P4HA3: variants seen among roughly 807,000 people sequenced by gnomAD.
P4HA3 encodes prolyl 4-hydroxylase subunit alpha 3.
A neutral mutation model predicts 66.7 loss-of-function variants in P4HA3; 60 were observed. The ratio of observed to expected loss-of-function variants is 0.90; its 90% CI spans 0.73 to 1.12. P4HA3 has a LOEUF of 1.12. P4HA3 is among the 50% of genes most tolerant of loss of function. The probability of loss-of-function intolerance (pLI) is 0.00; values close to 1 mark genes in which losing one functional copy is unlikely to be tolerated. For missense variants in P4HA3, 683 were observed against 685.8 expected (o/e 1.00, Z 0.05); for synonymous variants, 263 against 274.6 (o/e 0.96, Z 0.42).
At chr11:74,271,986 A>G (rs976204908) in intron 10 of P4HA3, among the ~76,000 whole-genome samples, 1 of 152,098 alleles carries the variant, frequency 6.6e-6, no homozygotes, top group Non-Finnish European at 1.5e-5. Context: ...CCCTCCTTAC[A>G]TTATCTCATC....
intron 5 of P4HA3, chr11:74,287,038 T>A: frequency 9.3e-7 from 1 of 1,077,928 alleles, no homozygotes; most frequent in South Asian, 2.2e-5. Flanking sequence ...GCAGAGGGAC[T>A]CTAGACTTTG....
Position 74,253,695 on chromosome 11 carries a change from C to T in P4HA3, c.*1319-5694G>A. 4 of 677,884 alleles carry T rather than the reference C, an allele frequency of 5.9e-6. No homozygotes were observed. In the South Asian group the frequency reaches 7.2e-5, roughly 12 times the overall value. 42.0% of individuals were successfully genotyped at this position (677,884 alleles called of 1,614,324 possible). On this transcript the variant is annotated intron_variant and NMD_transcript_variant, in intron 15 of 15. Coordinates refer to the P4HA3 transcript ENST00000524388. ...CTGCCAAAAGCATTGTTTTCCAGGG[C>T]CCTTGACCAACATCGGCTTCCCCAG...
At chr11:74,250,948 C>T in intron 15 of P4HA3, 1 of 1,595,004 alleles carries the variant, frequency 6.3e-7, no homozygotes, top group South Asian at 1.1e-5. Flanking sequence ...TTTGATTCCT[C>T]TCCAGGGAAG....
At chr11:74,260,607 C>T (rs1859892406) in intron 14 of P4HA3, among the ~76,000 whole-genome samples, 1 of 152,066 alleles carries the variant, frequency 6.6e-6, no homozygotes, top group African/African-American at 2.4e-5. Flanking sequence ...ATCTTTTCTC[C>T]TAGAGTGATA....
intron 2 of P4HA3, 54 bp downstream of exon 2, chr11:74,304,216 C>A: frequency 6.3e-7 from 1 of 1,589,528 alleles, no homozygotes; most frequent in East Asian, 2.2e-5. Context: ...CTCCTTACCA[C>A]CGAGTCAGGA....
chr11:74,291,556 C>T (rs966824430), intron 4 of P4HA3, among the ~76,000 whole-genome samples: 4 of 152,172 alleles, frequency 2.6e-5, no homozygotes, highest in African/African-American at 4.8e-5. Context: ...AGTTTTTGCC[C>T]ATTCAGTATG....
In P4HA3 at chr11:74,285,986, C is replaced by T; in HGVS notation, c.934-1G>A. The stretch of plus-strand genomic sequence containing the variant: ...GGCTAGGGATCTGGTAGAGAGTGGG[C>T]TGGAAGGAAAGAATAGGATGAGCAT... On this transcript the variant is annotated splice_acceptor_variant, in intron 6 of 12. Coordinates refer to ENST00000331597, the MANE Select transcript of P4HA3 (RefSeq NM_182904.5). LOFTEE classifies it high-confidence loss of function. The T allele has an allele frequency of 6.2e-7, 1 of 1,603,748 alleles. No individual in the cohort carries two copies. The highest frequency in any genetic ancestry group is 1.1e-5 in the South Asian group (1 of 90,866).
At chr11:74,263,565 T>C (rs1859943878), downstream of P4HA3, among the ~76,000 whole-genome samples, 1 of 152,256 alleles carries the variant, frequency 6.6e-6, no homozygotes, top group Non-Finnish European at 1.5e-5. Flanking sequence ...AGGCAAGTTA[T>C]ATGTTCTCTG....
intron 4 of P4HA3, among the ~76,000 whole-genome samples, chr11:74,296,281 T>A (rs893205757): frequency 6.6e-6 from 1 of 152,220 alleles, no homozygotes; most frequent in Non-Finnish European, 1.5e-5. Flanking sequence ...TCACAGCATT[T>A]GAATCCAGGA....
At chr11:74,263,489 G>C (rs1427386894), downstream of P4HA3, among the ~76,000 whole-genome samples, 1 of 152,196 alleles carries the variant, frequency 6.6e-6, no homozygotes, top group African/African-American at 2.4e-5. Context: ...GGTTAGTTAA[G>C]GTCTTTGGTG....
At chr11:74,296,725 C>T (rs1861224414) in intron 4 of P4HA3, among the ~76,000 whole-genome samples, 1 of 152,146 alleles carries the variant, frequency 6.6e-6, no homozygotes, top group Non-Finnish European at 1.5e-5. Context: ...TAATTGGGTA[C>T]AACATTTGAA....
In P4HA3 at chr11:74,279,521, A is replaced by G. The variant is rs1591102380; in HGVS notation, c.1111-69T>C. 5.6e-6 allele frequency: 8 copies of G among 1,440,950 alleles called. No homozygotes were observed. In the East Asian group the frequency reaches 1.8e-4, roughly 33 times the overall value. 89.3% of individuals were successfully genotyped at this position (1,440,950 alleles called of 1,614,324 possible). On this transcript the variant is annotated intron_variant, in intron 7 of 12. Transcript: ENST00000331597. Reference sequence around the variant, plus strand: ...AAAAGGAAAGTTTTGTCACTTCCACAGACATATTTCTCTCTTAAGCATCAA... The same window carrying G: ...AAAAGGAAAGTTTTGTCACTTCCACGGACATATTTCTCTCTTAAGCATCAA...
intron 7 of P4HA3, among the ~76,000 whole-genome samples, chr11:74,284,116 T>C (rs1860700659): frequency 1.3e-5 from 2 of 152,256 alleles, no homozygotes; most frequent in Admixed American, 1.3e-4. Context: ...AATGTCTGGC[T>C]TGACAGAAAT....
At chr11:74,297,918 G>A (rs1027657455) in intron 4 of P4HA3, among the ~76,000 whole-genome samples, 1 of 152,182 alleles carries the variant, frequency 6.6e-6, no homozygotes, top group Non-Finnish European at 1.5e-5. Flanking sequence ...GTGACAAACT[G>A]CCTCCTACAT....
chr11:74,286,720 C>G (rs1234180224), intron 5 of P4HA3, among the ~76,000 whole-genome samples: 2 of 152,168 alleles, frequency 1.3e-5, no homozygotes, highest in African/African-American at 2.4e-5. Flanking sequence ...GAAGATGAAG[C>G]CTCATTCATT....
At chr11:74,278,569 GAAGAA>G (rs1860479429) in intron 8 of P4HA3, among the ~76,000 whole-genome samples, 2 of 152,156 alleles carry the variant, frequency 1.3e-5, no homozygotes, top group Non-Finnish European at 2.9e-5. Context: ...TCGGAAAAGG[GAAGAA>G]AATACCACCT....
Position 74,286,303 on chromosome 11 carries a change from G to A in P4HA3, c.858C>T (p.Val286=), listed in dbSNP as rs1386510933. 1.2e-6 allele frequency: 2 copies of A among 1,611,420 alleles called. No individual in the cohort carries two copies. The highest frequency in any genetic ancestry group is 3.4e-5 in the Admixed American group (2 of 59,552). The change falls in exon 6 of 13, where the codon GTC becomes GTT. Residue 286 remains valine, a synonymous_variant. Transcript: ENST00000331597. ...GGTGGGGTATATTGGGCCTCTGGAT[G>A]ACAGCCTCAGCTACCACGTGGTTGG... is the stretch of plus-strand genomic sequence containing the variant. ...ESPNHVVAEA[V]IQRPNIPHLQ... is the part of the protein sequence containing the mutation.
intron 1 of P4HA3, among the ~76,000 whole-genome samples, chr11:74,305,708 C>T (rs776154606): frequency 1.7e-4 from 26 of 152,222 alleles, no homozygotes; most frequent in Middle Eastern, 3.4e-3. Context: ...AAAGGCAAGA[C>T]GAGGTCTAAT....
intron 15 of P4HA3, among the ~76,000 whole-genome samples, chr11:74,259,431 T>TA (rs919980383): frequency 6.6e-5 from 10 of 152,224 alleles, no homozygotes; most frequent in South Asian, 2.1e-4. Context: ...CAGGATTTTT[T>TA]AAAAAAATAG....
Sources: allele counts gnomAD v4.1 joint callset (sites outside exome capture counted in the v4.1 genomes callset), GRCh38; gene constraint gnomAD v4.1.1; transcripts MANE v1.5; gene names NCBI Gene and HGNC (gene_info 2026-07-23, HGNC 2026-07-21).